The following GRAMD1A variants were observed in gnomAD, a reference collection of about 807,000 sequenced individuals.
GRAMD1A encodes GRAM domain containing 1A.
In GRAMD1A, 50 loss-of-function variants were observed where a neutral mutation model predicts 92.0. The observed-to-expected ratio is 0.54, with a 90% CI of 0.43 to 0.69. The LOEUF is 0.69. GRAMD1A is among the 30% of genes least tolerant of loss of function. The pLI is 0.00. For synonymous variants in GRAMD1A, 405 were observed against 403.6 expected, an observed-to-expected ratio of 1.00 and a Z score of -0.04; for missense variants, 819 against 978.9, an observed-to-expected ratio of 0.84 and a Z score of 2.18.
In GRAMD1A at chr19:35,000,597, G is replaced by C; in HGVS notation, c.8+111G>C. 4 of 804,262 alleles carry C rather than the reference G, an allele frequency of 5.0e-6. No individual in the cohort carries two copies. Among genetic ancestry groups the C allele is most frequent in the Non-Finnish European group, 6.6e-6 (4 of 607,608 alleles). 49.8% of individuals were successfully genotyped at this position (804,262 alleles called of 1,614,324 possible). A position where few individuals can be genotyped will look rare whatever the true frequency, so the allele number is the denominator to read the frequency against. ...GCGGAGCGGCCGCTGCAGAGGTCGGGGGCCTCTGCACATGGCTCTGGCCGG... is the reference window on the plus strand; with the variant it reads ...GCGGAGCGGCCGCTGCAGAGGTCGGCGGCCTCTGCACATGGCTCTGGCCGG... On this transcript the variant is annotated intron_variant, in intron 1 of 19. Transcript: ENST00000317991. This position sits in a 1 kb window ranked among gnomAD's most constrained non-coding sequence, Gnocchi z 4.9.
Position 35,021,352 on chromosome 19 carries a change from G to A in GRAMD1A, c.1476-150G>A. Reference sequence around the variant, plus strand: ...GGTGGTGTATGGGGTATCCAGGGAAGCCATGGGGGGTAGGGAACCCATCTG... The same window carrying A: ...GGTGGTGTATGGGGTATCCAGGGAAACCATGGGGGGTAGGGAACCCATCTG... On this transcript the variant is annotated intron_variant, in intron 13 of 19. Coordinates refer to ENST00000317991, the MANE Select transcript of GRAMD1A (RefSeq NM_020895.5). This position sits in a 1 kb window ranked among gnomAD's most constrained non-coding sequence, Gnocchi z 5.3. 1.5e-6 allele frequency: 1 copy of A among 645,428 alleles called. No homozygotes were observed. Among genetic ancestry groups the A allele is most frequent in the Non-Finnish European group, 2.8e-6 (1 of 357,272 alleles). 40.0% of individuals were successfully genotyped at this position (645,428 alleles called of 1,614,324 possible).
rs2016020790 is a variant in GRAMD1A, at chr19:35,021,131, A to G, written c.1476-371A>G. On this transcript the variant is annotated intron_variant, in intron 13 of 19. Transcript: ENST00000317991. This position sits in a 1 kb window ranked among gnomAD's most constrained non-coding sequence, Gnocchi z 5.3. ...GGAAAGACCAGGAGGTCAGTTTGGG[A>G]CTCAGCTGTCTATGTTGAGCTGAGC... is the stretch of plus-strand genomic sequence containing the variant. Among the ~76,000 whole-genome samples the G allele has an allele frequency of 6.6e-6, 1 of 152,108 alleles. No individual in the cohort carries two copies. The highest frequency in any genetic ancestry group is 2.4e-5 in the African/African-American group (1 of 41,398).
In GRAMD1A at chr19:35,009,188, G is replaced by A; in HGVS notation, c.78G>A (p.Leu26=). Residue 26 remains leucine, a synonymous_variant, in exon 2 of 20, where the codon CTG becomes CTA. Coordinates refer to ENST00000317991, the MANE Select transcript of GRAMD1A (RefSeq NM_020895.5). The part of the protein sequence containing the change: ...SPSLRKRLQL[L]PPSRPPPEPE... ...CGCTCCGGAAACGGCTGCAGCTCCT[G>A]CCCCCAAGCCGGCCCCCACCTGAGC... 6.2e-7 allele frequency: 1 copy of A among 1,613,944 alleles called. No individual in the cohort carries two copies. Among genetic ancestry groups the A allele is most frequent in the Non-Finnish European group, 8.5e-7 (1 of 1,179,862 alleles).
intron 19 of GRAMD1A, 142 bp downstream of exon 19, chr19:35,023,689 C>T (rs60137717): frequency 1.4e-6 from 1 of 736,486 alleles, no homozygotes; most frequent in African/African-American, 1.8e-5. Flanking sequence ...AGAGTCCCCA[C>T]CCCACAGCAT....
intron 19 of GRAMD1A, among the ~76,000 whole-genome samples, chr19:35,024,019 A>G (rs560096204): frequency 1.3e-5 from 2 of 152,286 alleles, no homozygotes; most frequent in Admixed American, 1.3e-4. Context: ...TGGGGTAACT[A>G]AGGGGTCACA....
chr19:35,010,085 C>T lies in GRAMD1A; in HGVS notation c.326-7C>T, dbSNP rs1261796778. On this transcript the variant is annotated splice_region_variant and splice_polypyrimidine_tract_variant and intron_variant, in intron 4 of 19. Transcript: ENST00000317991. ...GGTGTCCTCCTGTCTCTCCCCGCCC[C>T]TCTCAGATTACTCCTGCGCCCTGCA... The T allele has an allele frequency of 1.9e-6, 3 of 1,597,052 alleles. No individual in the cohort carries two copies. Among genetic ancestry groups the T allele is most frequent in the Middle Eastern group, 1.7e-4 (1 of 6,036 alleles).
At chr19:35,022,932 C>G (rs749692088) in intron 17 of GRAMD1A, 21 bp downstream of exon 17, 25 of 1,548,856 alleles carry the variant, frequency 1.6e-5, no homozygotes, top group Non-Finnish European at 2.1e-5. Context: ...GAGTCCTCCC[C>G]CTGCCCTCCC....
At position 35,015,247 on chromosome 19, in the gene GRAMD1A, T is replaced by C. The variant is rs114912031; in HGVS notation, c.1070-577T>C. 1,433 of 152,480 alleles carry C rather than the reference T, an allele frequency of 9.4e-3. 39 individuals are homozygous for C. Among genetic ancestry groups the C allele is most frequent in the South Asian group, 0.088 (427 of 4,858 alleles). 9.4% of individuals were successfully genotyped at this position (152,480 alleles called of 1,614,324 possible). A position where few individuals can be genotyped will look rare whatever the true frequency, so the allele number is the denominator to read the frequency against. On this transcript the variant is annotated intron_variant, in intron 10 of 19. Coordinates refer to ENST00000317991, the MANE Select transcript of GRAMD1A (RefSeq NM_020895.5). ...GGGCCAGTTAGTAAGCATTGACTAT[T>C]AGTATTTCTATTATCATTATTGTAT...
chr19:35,010,773 C>T, intron 6 of GRAMD1A: 1 of 480,618 alleles, frequency 2.1e-6, no homozygotes, highest in Non-Finnish European at 3.7e-6. Flanking sequence ...GGGGACACTT[C>T]CCAGCAGACT....
chr19:35,022,021 G>A lies in GRAMD1A; in HGVS notation c.1824G>A (p.Leu608=), dbSNP rs1321315026. 4.3e-6 allele frequency: 7 copies of A among 1,613,316 alleles called. No homozygotes were observed. Among genetic ancestry groups the A allele is most frequent in the Admixed American group, 3.3e-5 (2 of 59,968 alleles). ...QGPGAGIPSA[L]VLISIVICVS... is the part of the protein sequence containing the mutation. ...CCGGGGCAGGCATCCCCAGTGCCCT[G>A]GTTCTCATCAGCATTGTGTGAGTAA... The change falls in exon 16 of 20, where the codon CTG becomes CTA. Residue 608 remains leucine, a synonymous_variant. Transcript: ENST00000317991.
chr19:35,006,710 T>C (rs749248061), intron 1 of GRAMD1A, among the ~76,000 whole-genome samples: 3 of 152,174 alleles, frequency 2.0e-5, no homozygotes, highest in Admixed American at 6.5e-5. Context: ...CTCTGGTGGT[T>C]ATTGAGCATT....
upstream of GRAMD1A, chr19:34,995,891 T>A (rs145459599): frequency 2.3e-3 from 1,690 of 723,992 alleles, 30 homozygotes; most frequent in African/African-American, 0.027. Context: ...TCCCCAACTG[T>A]GCTCTTAATC....
rs746871967 is a variant in GRAMD1A, at chr19:35,009,146, G to T, written c.36G>T (p.Thr12=). The T allele has an allele frequency of 7.4e-6, 12 of 1,613,312 alleles. No individual in the cohort carries two copies. Among genetic ancestry groups the T allele is most frequent in the Admixed American group, 5.0e-5 (3 of 59,978 alleles). Residue 12 remains threonine, a synonymous_variant, in exon 2 of 20, where the codon ACG becomes ACT. Coordinates refer to ENST00000317991, the MANE Select transcript of GRAMD1A (RefSeq NM_020895.5). ...FDTTPHSGRS[T]PSSSPSLRKR... ...CCACACCCCACTCTGGCCGGAGCAC[G>T]CCAAGCAGCTCCCCATCGCTCCGGA...
chr19:35,000,057 G>C, upstream of GRAMD1A: 1 of 986,566 alleles, frequency 1.0e-6, no homozygotes, highest in Non-Finnish European at 1.2e-6. This position sits in a 1 kb window ranked among gnomAD's most constrained non-coding sequence, Gnocchi z 4.9. Context: ...CTAGGTACTA[G>C]GGGAGGGGGC....
rs1028030669 is a variant in GRAMD1A at position 35,000,756 on chromosome 19, G to A, written c.8+270G>A. On this transcript the variant is annotated intron_variant, in intron 1 of 19. Coordinates refer to ENST00000317991, the MANE Select transcript of GRAMD1A (RefSeq NM_020895.5). The surrounding 1 kb of genome is among the most constrained non-coding windows in gnomAD (Gnocchi z 4.9). ...CGCGACGCACTGGGTTGCGGGGTTT[G>A]GCTGGGGGCCCGCGGGTTCATCTGG... Among the ~76,000 whole-genome samples, 1 of 152,142 alleles carries A rather than the reference G, an allele frequency of 6.6e-6. No homozygotes were observed. Among genetic ancestry groups the A allele is most frequent in the Non-Finnish European group, 1.5e-5 (1 of 67,992 alleles).
At chr19:35,016,008 G>T in intron 11 of GRAMD1A, 41 bp downstream of exon 11, 1 of 1,598,856 alleles carries the variant, frequency 6.3e-7, no homozygotes, top group Non-Finnish European at 8.5e-7. Context: ...TTACCCAGGT[G>T]CAGGGGAGGG....
chr19:35,006,466 C>A (rs756699579), intron 1 of GRAMD1A, among the ~76,000 whole-genome samples: 14 of 152,184 alleles, frequency 9.2e-5, no homozygotes, highest in Non-Finnish European at 1.8e-4. Context: ...GTTAATCATA[C>A]GGAGAGCTTG....
In GRAMD1A at chr19:35,021,542, C is replaced by A; in HGVS notation, c.1516C>A (p.Leu506Met). The A allele has an allele frequency of 6.2e-7, 1 of 1,614,160 alleles. No individual in the cohort carries two copies. The highest frequency in any genetic ancestry group is 1.1e-5 in the South Asian group (1 of 91,084). ...EIRYRKQPWSLVKSLIEKNSW... is the reference protein window; with the variant it reads ...EIRYRKQPWSMVKSLIEKNSW... ...CCGCTACCGAAAGCAGCCGTGGAGCCTGGTGAAGTCGCTCATTGAGAAGAA... is the reference window on the plus strand; with the variant it reads ...CCGCTACCGAAAGCAGCCGTGGAGCATGGTGAAGTCGCTCATTGAGAAGAA... The change falls in exon 14 of 20, where the codon CTG becomes ATG. Residue 506 changes from leucine (L) to methionine (M), a missense_variant. By Grantham distance (15) the Leu-to-Met change is conservative (BLOSUM62 2). This residue lies in a region of GRAMD1A where 577 missense variants were observed against 674.6 expected (regional missense o/e 0.86). Transcript: ENST00000317991. This position sits in a 1 kb window ranked among gnomAD's most constrained non-coding sequence, Gnocchi z 5.3.
Position 35,026,373 on chromosome 19 carries a change from G to A in GRAMD1A, c.*232G>A, listed in dbSNP as rs1479431389. On this transcript the variant is annotated 3_prime_UTR_variant, in exon 20 of 20. Transcript: ENST00000317991. ...ACTTATTTTGCCCGGCTGAGGTTGT[G>A]GGGGGCGCCTCCTGGGGTGCACGAT... 2 of 577,838 alleles carry A rather than the reference G, an allele frequency of 3.5e-6. No individual in the cohort carries two copies. The highest frequency in any genetic ancestry group is 3.0e-5 in the Admixed American group (1 of 33,230). The allele number at this position is 577,838 out of a possible 1,614,324, so 35.8% of individuals were successfully genotyped here. A position where few individuals can be genotyped will look rare whatever the true frequency, so the allele number is the denominator to read the frequency against.
Sources: gnomAD v4.1 joint callset for allele counts (sites outside exome capture counted in the v4.1 genomes callset) on GRCh38, gnomAD v4.1.1 for gene constraint, gnomAD v4.1.1 regional missense constraint, Gnocchi (gnomAD v3.1) non-coding constraint, MANE v1.5 for transcripts, NCBI Gene and HGNC (gene_info 2026-07-23, HGNC 2026-07-21) for gene names.